CTNND2: variants seen among roughly 807,000 people sequenced by gnomAD.
The protein encoded by CTNND2 is catenin delta 2.
Under a neutral mutation model 144.4 loss-of-function variants are expected in CTNND2, and 22 were observed. The observed-to-expected ratio is 0.15, with a 90% CI of 0.11 to 0.22. The LOEUF (loss-of-function observed/expected upper bound fraction) is 0.22, where lower values mean the gene tolerates loss of function less well. CTNND2 is among the 10% of genes least tolerant of loss of function. CTNND2 has a pLI of 1.00. For missense variants in CTNND2, 1,353 were observed against 1,618.8 expected, an observed-to-expected ratio of 0.84 and a Z score of 2.82; for synonymous variants, 751 against 695.6, an observed-to-expected ratio of 1.08 and a Z score of -1.25.
At chr5:11,040,759 T>C (rs540170629) in intron 16 of CTNND2, among the ~76,000 whole-genome samples, 1 of 152,222 alleles carries the variant, frequency 6.6e-6, no homozygotes, top group African/African-American at 2.4e-5. Context: ...ACTAATATGA[T>C]ACATTTTAAC....
intron 11 of CTNND2, among the ~76,000 whole-genome samples, chr5:11,162,156 A>AAAGC (rs746283401): frequency 3.3e-5 from 5 of 152,114 alleles, no homozygotes; most frequent in Non-Finnish European, 5.9e-5. Context: ...CCATCTCGGG[A>AAAGC]AAGCAAGCAA....
At chr5:11,029,562 T>C (rs934216369) in intron 16 of CTNND2, among the ~76,000 whole-genome samples, 10 of 152,238 alleles carry the variant, frequency 6.6e-5, no homozygotes, top group Non-Finnish European at 1.3e-4. Flanking sequence ...TCATTTACAG[T>C]TCCATCTCAC....
intron 9 of CTNND2, among the ~76,000 whole-genome samples, chr5:11,270,519 T>C (rs1745892021): frequency 6.6e-6 from 1 of 151,966 alleles, no homozygotes; most frequent in Admixed American, 6.6e-5. Context: ...CCTGTGGGAA[T>C]TTTCATGCTT....
intron 2 of CTNND2, among the ~76,000 whole-genome samples, chr5:11,621,267 T>C (rs1484445123): frequency 6.6e-6 from 1 of 152,248 alleles, no homozygotes; most frequent in Non-Finnish European, 1.5e-5. Flanking sequence ...TTACTGGTAA[T>C]ATTCTGGCAA....
chr5:11,775,916 C>T lies in CTNND2; in HGVS notation c.38-43644G>A, dbSNP rs75980236. Among the ~76,000 whole-genome samples the T allele has an allele frequency of 4.5e-4, 69 of 152,092 alleles. 2 individuals are homozygous for T. In the East Asian group the frequency reaches 0.013, roughly 28 times the overall value. On this transcript the variant is annotated intron_variant, in intron 1 of 21. Transcript: ENST00000304623. ...AAGAAGAGGGGAATCTGGACACAGA[C>T]GCACACACACAGAAGACGGCCATAT... is the stretch of plus-strand genomic sequence containing the variant.
chr5:11,083,840 C>G, intron 15 of CTNND2: 1 of 1,077,784 alleles, frequency 9.3e-7, no homozygotes, highest in Non-Finnish European at 1.1e-6. Flanking sequence ...CCTCCACCCC[C>G]CTTCCCCCAT....
At chr5:11,803,675 A>G (rs1791826279) in intron 1 of CTNND2, among the ~76,000 whole-genome samples, 1 of 152,168 alleles carries the variant, frequency 6.6e-6, no homozygotes, top group East Asian at 1.9e-4. Context: ...GTCATTGTCT[A>G]GTGCTTCTCC....
At chr5:11,760,070 A>T (rs1789172942) in intron 1 of CTNND2, among the ~76,000 whole-genome samples, 1 of 129,030 alleles carries the variant, frequency 7.8e-6, no homozygotes, top group Non-Finnish European at 1.7e-5. Flanking sequence ...AAAAAAAAAA[A>T]TCCTATTTAT....
At chr5:11,496,711 C>T (rs1769981060) in intron 3 of CTNND2, among the ~76,000 whole-genome samples, 1 of 152,120 alleles carries the variant, frequency 6.6e-6, no homozygotes, top group South Asian at 2.1e-4. Flanking sequence ...TCTATTGATG[C>T]ATTATATTCC....
intron 16 of CTNND2, among the ~76,000 whole-genome samples, chr5:11,072,180 C>T (rs963821598): frequency 6.6e-6 from 1 of 152,214 alleles, no homozygotes; most frequent in East Asian, 1.9e-4. Context: ...GTGAGGACCA[C>T]AGGGATTTGT....
intron 9 of CTNND2, among the ~76,000 whole-genome samples, chr5:11,284,495 G>T (rs564796904): frequency 1.1e-3 from 165 of 152,170 alleles, no homozygotes; most frequent in African/African-American, 3.8e-3. Flanking sequence ...TTCCCACTTA[G>T]AGGAGAGAAC....
chr5:11,343,510 T>C (rs1164484586), intron 9 of CTNND2, among the ~76,000 whole-genome samples: 2 of 152,344 alleles, frequency 1.3e-5, no homozygotes, highest in South Asian at 2.1e-4. Flanking sequence ...GGTACTGCCA[T>C]TCATCCTCTG....
intron 1 of CTNND2, among the ~76,000 whole-genome samples, chr5:11,777,968 A>G (rs1348467011): frequency 6.6e-6 from 1 of 152,124 alleles, no homozygotes; most frequent in Non-Finnish European, 1.5e-5. Context: ...TTTTTGGACC[A>G]ATCAGTCTTA....
chr5:11,090,663 G>A (rs551616262), intron 15 of CTNND2, among the ~76,000 whole-genome samples: 1 of 152,144 alleles, frequency 6.6e-6, no homozygotes, highest in African/African-American at 2.4e-5. Flanking sequence ...TTGGATCCAC[G>A]GAAAAATTGT....
intron 2 of CTNND2, among the ~76,000 whole-genome samples, chr5:11,600,692 C>T (rs1407827080): frequency 2.8e-5 from 3 of 107,878 alleles, no homozygotes; most frequent in African/African-American, 1.1e-4. Flanking sequence ...GGCAACAGAG[C>T]AAGATTCTGT....
At chr5:11,809,616 C>T (rs1792206891) in intron 1 of CTNND2, among the ~76,000 whole-genome samples, 1 of 152,154 alleles carries the variant, frequency 6.6e-6, no homozygotes, top group Admixed American at 6.6e-5. Flanking sequence ...AGCAAAGGGA[C>T]TTCATCATCA....
intron 9 of CTNND2, among the ~76,000 whole-genome samples, chr5:11,264,904 C>T (rs1325783270): frequency 6.6e-6 from 1 of 152,046 alleles, no homozygotes; most frequent in East Asian, 1.9e-4. Flanking sequence ...GCACTCCAGC[C>T]TGGGTGACAG....
intron 9 of CTNND2, among the ~76,000 whole-genome samples, chr5:11,295,872 T>TAAAAA (rs201543809): frequency 0.041 from 6,268 of 152,112 alleles, 241 homozygotes; most frequent in African/African-American, 0.099. Context: ...CCTAAAGCCA[T>TAAAAA]AAAAACCCTA....
chr5:11,159,604 C>T lies in CTNND2; in HGVS notation c.2131G>A (p.Val711Met). The T allele has an allele frequency of 6.2e-7, 1 of 1,612,892 alleles. No homozygotes were observed. Among genetic ancestry groups the T allele is most frequent in the East Asian group, 2.2e-5 (1 of 44,814 alleles). ...DRKIQLHSSQ[V>M]LRNATGCLRN... Reference sequence around the variant, plus strand: ...AGGCACCCGGTGGCGTTACGCAGCACCTGTGATGAATGCAGCTGTATTTTC... The same window carrying T: ...AGGCACCCGGTGGCGTTACGCAGCATCTGTGATGAATGCAGCTGTATTTTC... Residue 711 changes from valine (V) to methionine (M), a missense_variant, in exon 12 of 22, where the codon GTG becomes ATG. Coordinates refer to ENST00000304623, the MANE Select transcript of CTNND2 (RefSeq NM_001332.4).
Sources: gnomAD v4.1 joint callset for allele counts (sites outside exome capture counted in the v4.1 genomes callset) on GRCh38, gnomAD v4.1.1 for gene constraint, MANE v1.5 for transcripts, NCBI Gene and HGNC (gene_info 2026-07-23, HGNC 2026-07-21) for gene names.